AGL: variants seen among roughly 807,000 people sequenced by gnomAD.
AGL encodes glycogen debranching enzyme.
A neutral mutation model predicts 199.3 loss-of-function variants in AGL; 128 were observed. The observed-to-expected ratio is 0.64, with a 90% CI of 0.56 to 0.74. The LOEUF (loss-of-function observed/expected upper bound fraction) is 0.74, where lower values mean the gene tolerates loss of function less well. AGL is among the 30% of genes least tolerant of loss of function. The pLI is 0.00. For missense variants in AGL, 1,809 were observed against 1,820.8 expected (o/e 0.99, Z 0.12); for synonymous variants, 584 against 594.7 (o/e 0.98, Z 0.26).
chr1:99,908,483 GC>G (rs1421243826), intron 27 of AGL, among the ~76,000 whole-genome samples: 1 of 152,000 alleles, frequency 6.6e-6, no homozygotes, highest in Non-Finnish European at 1.5e-5. Flanking sequence ...GATTGTTTTG[GC>G]TATTCAAGGT....
chr1:99,877,719 A>T lies in AGL; in HGVS notation c.1502A>T (p.Asp501Val), dbSNP rs763034753. ...VKLRYGNKPE[D>V]CPYLWAHMKK... The stretch of plus-strand genomic sequence containing the variant: ...TTACGCTATGGGAATAAACCAGAGG[A>T]CTGTCCTTATCTCTGGGCACACATG... Residue 501 changes from aspartate (D) to valine (V), a missense_variant, in exon 12 of 34, where the codon GAC becomes GTC. Coordinates refer to ENST00000361915, the MANE Select transcript of AGL (RefSeq NM_000642.3). 4 of 1,613,900 alleles carry T rather than the reference A, an allele frequency of 2.5e-6. No homozygotes were observed.
At chr1:99,914,401 ACT>A (rs1654960399) in intron 30 of AGL, among the ~76,000 whole-genome samples, 2 of 152,152 alleles carry the variant, frequency 1.3e-5, no homozygotes, top group East Asian at 1.9e-4. Flanking sequence ...AGAATTTTAG[ACT>A]CTCTGCTGTT....
At chr1:99,907,618 T>C (rs1334502584) in intron 27 of AGL, among the ~76,000 whole-genome samples, 5 of 152,238 alleles carry the variant, frequency 3.3e-5, no homozygotes, top group Admixed American at 1.3e-4. Flanking sequence ...ATACTTGTTT[T>C]TTTCTGTGTT....
At chr1:99,912,035 C>CAAATT (rs1557789321) in intron 28 of AGL, among the ~76,000 whole-genome samples, 2 of 152,248 alleles carry the variant, frequency 1.3e-5, no homozygotes, top group Non-Finnish European at 2.9e-5. Context: ...AATGAGCTTT[C>CAAATT]AAATTAATGT....
At chr1:99,856,531 A>C (rs918295799) in intron 2 of AGL, among the ~76,000 whole-genome samples, 6 of 151,808 alleles carry the variant, frequency 4.0e-5, no homozygotes, top group African/African-American at 1.5e-4. Context: ...AGTGGAGGGA[A>C]GGTCAGCAGA....
At chr1:99,893,669 A>G (rs191145878) in intron 24 of AGL, among the ~76,000 whole-genome samples, 59 of 152,352 alleles carry the variant, frequency 3.9e-4, no homozygotes, top group Non-Finnish European at 7.8e-4. Context: ...AAACTGTTAC[A>G]TCTGACATAC....
In AGL at chr1:99,861,613, C is replaced by G. The variant is rs772086117; in HGVS notation, c.193C>G (p.Leu65Val). Residue 65 changes from leucine to valine, a missense_variant, in exon 3 of 34, where the codon CTG becomes GTG. Transcript: ENST00000361915. ...ETFNREKFRS[L>V]DWENPTERED... Reference sequence around the variant, plus strand: ...ATTTAATAGAGAAAAATTCCGTTCTCTGGATTGGGAAAATCCAACAGAAAG... The same window carrying G: ...ATTTAATAGAGAAAAATTCCGTTCTGTGGATTGGGAAAATCCAACAGAAAG... 2.5e-6 allele frequency: 4 copies of G among 1,613,936 alleles called. No individual in the cohort carries two copies. Among genetic ancestry groups the G allele is most frequent in the African/African-American group, 1.3e-5 (1 of 75,034 alleles).
At chr1:99,865,003 A>T (rs1650387920) in intron 5 of AGL, among the ~76,000 whole-genome samples, 1 of 152,162 alleles carries the variant, frequency 6.6e-6, no homozygotes, top group African/African-American at 2.4e-5. Flanking sequence ...TTTAATTTTC[A>T]TGCTGTTTTA....
In AGL at chr1:99,901,377, C is replaced by G. The variant is rs1236016780; in HGVS notation, c.3588+516C>G. On this transcript the variant is annotated intron_variant, in intron 26 of 33. Transcript: ENST00000361915. ...CCTAGGCAACATAGCAAAACTCAGT[C>G]TCTTTAAAAAAAAAAAAAAAAAAAA... Among the ~76,000 whole-genome samples, 5 of 83,558 alleles carry G rather than the reference C, an allele frequency of 6.0e-5. 1 individual carries two copies. Among genetic ancestry groups the G allele is most frequent in the Admixed American group, 4.8e-4 (3 of 6,196 alleles). The allele number at this position is 83,558 out of a possible 152,430, so 54.8% of individuals were successfully genotyped here.
At position 99,884,219 on chromosome 1, in the gene AGL, C is replaced by G. The variant is rs771475215; in HGVS notation, c.2408C>G (p.Thr803Arg). The change falls in exon 18 of 34, where the codon ACA becomes AGA. Residue 803 changes from threonine to arginine, a missense_variant. Coordinates refer to ENST00000361915, the MANE Select transcript of AGL (RefSeq NM_000642.3). Reference sequence around the variant, plus strand: ...TCAATCAATGGAACACCAGATATCACAGTAGAAATTAGAGAACATATTCAG... The same window carrying G: ...TCAATCAATGGAACACCAGATATCAGAGTAGAAATTAGAGAACATATTCAG... ...ENSINGTPDI[T>R]VEIREHIQLN... The G allele has an allele frequency of 1.9e-6, 3 of 1,613,028 alleles. No individual in the cohort carries two copies. The African/African-American group carries it at 4.0e-5, about 22-fold the overall frequency.
At chr1:99,857,847 A>AGAGGGAGACCGGGGG (rs1557743553) in intron 2 of AGL, among the ~76,000 whole-genome samples, 1 of 8,226 alleles carries the variant, frequency 1.2e-4, no homozygotes, top group African/African-American at 4.8e-4. Context: ...GGGGAGGGGG[A>AGAGGGAGACCGGGGG]GGGGGGAAGA....
chr1:99,854,714 A>G (rs567056007), intron 2 of AGL, among the ~76,000 whole-genome samples: 1 of 150,674 alleles, frequency 6.6e-6, no homozygotes, highest in African/African-American at 2.4e-5. Context: ...CAGTGAGCTG[A>G]GATTGCGCCA....
intron 2 of AGL, among the ~76,000 whole-genome samples, chr1:99,851,959 T>A (rs1648984255): frequency 6.6e-6 from 1 of 152,218 alleles, no homozygotes; most frequent in East Asian, 1.9e-4. Flanking sequence ...TTTTCCAACT[T>A]TGGCATTTAA....
At chr1:99,898,317 A>G (rs1259274844) in intron 25 of AGL, among the ~76,000 whole-genome samples, 1 of 152,176 alleles carries the variant, frequency 6.6e-6, no homozygotes, top group Non-Finnish European at 1.5e-5. Context: ...AAGTGCTGGG[A>G]TTACAGGCGT....
In AGL at chr1:99,891,611, T is replaced by A; in HGVS notation, c.2955T>A (p.Gly985=). ...ISRSGTIAEV[G]KWLQAMFFYL... is the part of the protein sequence containing the mutation. ...CAAATTTATTTTAATTACAGGTTGGTAAATGGTTGCAGGCTATGTTCTTCT... is the reference window on the plus strand; with the variant it reads ...CAAATTTATTTTAATTACAGGTTGGAAAATGGTTGCAGGCTATGTTCTTCT... Residue 985 remains glycine, a synonymous_variant, in exon 23 of 34, where the codon GGT becomes GGA. Transcript: ENST00000361915. The A allele has an allele frequency of 6.2e-7, 1 of 1,613,544 alleles. No homozygotes were observed. The highest frequency in any genetic ancestry group is 8.5e-7 in the Non-Finnish European group (1 of 1,179,614).
Position 99,915,491 on chromosome 1 carries a change from G to C in AGL, c.4259+5G>C. The C allele has an allele frequency of 6.3e-7, 1 of 1,585,922 alleles. No homozygotes were observed. The highest frequency in any genetic ancestry group is 8.7e-7 in the Non-Finnish European group (1 of 1,155,256). On this transcript the variant is annotated splice_donor_5th_base_variant and intron_variant, in intron 31 of 33. Transcript: ENST00000361915. ...CATGAAAACTTTAGATCCAGAGTAA[G>C]TTGGAATATAAGTATTAAGAATGTT...
At chr1:99,862,747 T>TC (rs1650161569) in intron 4 of AGL, among the ~76,000 whole-genome samples, 1 of 152,040 alleles carries the variant, frequency 6.6e-6, no homozygotes, top group South Asian at 2.1e-4. Flanking sequence ...TTGTGAAAAC[T>TC]CACTCACTAT....
chr1:99,894,377 C>T (rs1182271088), intron 24 of AGL, among the ~76,000 whole-genome samples: 1 of 151,982 alleles, frequency 6.6e-6, no homozygotes, highest in Non-Finnish European at 1.5e-5. Context: ...TTGGATATAC[C>T]GATTCAGACT....
chr1:99,874,864 G>A, intron 8 of AGL, 54 bp downstream of exon 8: 1 of 1,579,184 alleles, frequency 6.3e-7, no homozygotes, highest in Non-Finnish European at 8.7e-7. Flanking sequence ...AAACCTTTAT[G>A]GCTAGTATGA....
Sources: gnomAD v4.1 joint callset for allele counts (sites outside exome capture counted in the v4.1 genomes callset) on GRCh38, gnomAD v4.1.1 for gene constraint, MANE v1.5 for transcripts, NCBI Gene and HGNC (gene_info 2026-07-23, HGNC 2026-07-21) for gene names.